Variants in CHRM2 observed in about 807,000 individuals in gnomAD.
CHRM2 encodes the protein muscarinic acetylcholine receptor M2.
Under a neutral mutation model 25.0 loss-of-function variants are expected in CHRM2, and 8 were observed. That is an observed-to-expected ratio of 0.32 (90% confidence interval 0.19 to 0.58). CHRM2 has a LOEUF of 0.58. Among genes scored for constraint, CHRM2 ranks in the 20% least tolerant of loss-of-function variants. CHRM2 has a pLI of 0.88. For synonymous variants in CHRM2, 202 were observed against 205.7 expected, an observed-to-expected ratio of 0.98 and a Z score of 0.15; for missense variants, 440 against 567.1, an observed-to-expected ratio of 0.78 and a Z score of 2.28.
chr7:136,894,841 T>A (rs1796830403), intron 2 of CHRM2, among the ~76,000 whole-genome samples: 1 of 152,226 alleles, frequency 6.6e-6, no homozygotes, highest in South Asian at 2.1e-4. Flanking sequence ...AAAATAGTAT[T>A]TCTTCAGCAG....
chr7:136,951,141 C>T (rs1225980868), intron 2 of CHRM2: 1 of 152,176 alleles, frequency 6.6e-6, no homozygotes, highest in Non-Finnish European at 1.5e-5. Flanking sequence ...AGGAGGCCCC[C>T]TGGGTGAAGC....
At chr7:136,926,035 G>T (rs1038799981) in intron 2 of CHRM2, among the ~76,000 whole-genome samples, 31 of 152,172 alleles carry the variant, frequency 2.0e-4, no homozygotes, top group Admixed American at 1.8e-3. Context: ...CCAGGAGTTT[G>T]GGACCAGCCT....
At chr7:136,892,201 G>C (rs569948587) in intron 2 of CHRM2, among the ~76,000 whole-genome samples, 1 of 152,304 alleles carries the variant, frequency 6.6e-6, no homozygotes, top group Non-Finnish European at 1.5e-5. Flanking sequence ...CAAAATTCTT[G>C]ACAGTTGGTG....
intron 2 of CHRM2, among the ~76,000 whole-genome samples, chr7:136,972,128 CTT>C (rs542113762): frequency 2.1e-5 from 3 of 144,296 alleles, no homozygotes; most frequent in African/African-American, 2.5e-5. Context: ...GTCAGTATGC[CTT>C]TTTTTTTTTC....
chr7:136,916,942 T>G (rs1798150918), intron 2 of CHRM2, among the ~76,000 whole-genome samples: 2 of 151,780 alleles, frequency 1.3e-5, no homozygotes, highest in African/African-American at 4.8e-5. Context: ...TTAATTCAGT[T>G]TCACAAAAAT....
At chr7:136,933,330 A>G (rs1799220783) in intron 2 of CHRM2, among the ~76,000 whole-genome samples, 1 of 152,202 alleles carries the variant, frequency 6.6e-6, no homozygotes, top group Non-Finnish European at 1.5e-5. Context: ...TATAAGCAAC[A>G]ATGATGATCA....
At chr7:136,991,913 A>G (rs1450088653) in intron 2 of CHRM2, among the ~76,000 whole-genome samples, 3 of 152,148 alleles carry the variant, frequency 2.0e-5, no homozygotes, top group African/African-American at 7.2e-5. Flanking sequence ...TACTCAGACC[A>G]TGTTTCTCAG....
At chr7:136,996,025 T>C (rs769725967) in intron 3 of CHRM2, among the ~76,000 whole-genome samples, 81 of 151,890 alleles carry the variant, frequency 5.3e-4, no homozygotes, top group Non-Finnish European at 9.7e-4. Flanking sequence ...ACTCAGTGTA[T>C]GGAATTATGT....
rs1805267731 is a variant in CHRM2, at chr7:137,018,017, CG to C, written c.*1752del. 6.6e-6 allele frequency: 1 copy of C among 151,758 alleles called. No individual in the cohort carries two copies. Among genetic ancestry groups the C allele is most frequent in the African/African-American group, 2.4e-5 (1 of 41,382 alleles). 9.4% of individuals were successfully genotyped at this position (151,758 alleles called of 1,614,324 possible). On this transcript the variant is annotated 3_prime_UTR_variant, in exon 4 of 4. Transcript: ENST00000680005. The stretch of plus-strand genomic sequence containing the variant: ...CAATCAATGGAAATCAAATTATAAA[CG>C]CATTTGCAAATTTCATATTTTGGAT...
chr7:136,897,702 A>C (rs564852466), intron 2 of CHRM2, among the ~76,000 whole-genome samples: 1 of 152,104 alleles, frequency 6.6e-6, no homozygotes, highest in South Asian at 2.1e-4. Flanking sequence ...CATGGGAAAA[A>C]AAAAAGACAG....
chr7:136,912,871 G>A (rs950290916), intron 2 of CHRM2, among the ~76,000 whole-genome samples: 2 of 151,910 alleles, frequency 1.3e-5, no homozygotes, highest in African/African-American at 2.4e-5. Context: ...TATGAAACGC[G>A]GTAATGATAC....
At chr7:136,916,108 A>G (rs1798092891) in intron 2 of CHRM2, among the ~76,000 whole-genome samples, 1 of 151,836 alleles carries the variant, frequency 6.6e-6, no homozygotes, top group Non-Finnish European at 1.5e-5. Context: ...CAGCTGGACT[A>G]TGCACTGTTT....
chr7:136,906,409 T>C (rs1442539211), intron 2 of CHRM2, among the ~76,000 whole-genome samples: 1 of 151,424 alleles, frequency 6.6e-6, no homozygotes, highest in Non-Finnish European at 1.5e-5. Flanking sequence ...ATATGTAATA[T>C]GTGTTTGTGT....
intron 2 of CHRM2, among the ~76,000 whole-genome samples, chr7:136,972,094 A>C (rs1801815244): frequency 6.6e-6 from 1 of 152,100 alleles, no homozygotes; most frequent in Admixed American, 6.5e-5. Context: ...TTGGAGGAAT[A>C]GAAAAGCAGC....
chr7:136,976,230 G>A (rs1042813808), intron 2 of CHRM2, among the ~76,000 whole-genome samples: 4 of 152,106 alleles, frequency 2.6e-5, no homozygotes, highest in African/African-American at 9.7e-5. Flanking sequence ...ATGAAGTATT[G>A]CATGACATAG....
At chr7:136,977,203 G>T (rs1398106501) in intron 2 of CHRM2, among the ~76,000 whole-genome samples, 2 of 152,074 alleles carry the variant, frequency 1.3e-5, no homozygotes, top group Admixed American at 6.6e-5. Context: ...ACATGATTAA[G>T]ATTTTAATGT....
Position 137,014,905 on chromosome 7 carries a change from C to G in CHRM2, c.40C>G (p.Leu14Val). 1 of 1,613,182 alleles carries G rather than the reference C, an allele frequency of 6.2e-7. No homozygotes were observed. The highest frequency in any genetic ancestry group is 8.5e-7 in the Non-Finnish European group (1 of 1,179,488). Residue 14 changes from leucine (L) to valine (V), a missense_variant, in exon 4 of 4, where the codon CTT becomes GTT. By Grantham distance (32) the Leu-to-Val change is conservative. This residue lies in a region of CHRM2 where 86 missense variants were observed against 124.9 expected (regional missense o/e 0.69). Transcript: ENST00000680005. The stretch of plus-strand genomic sequence containing the variant: ...AAACTCCTCTAACAATAGCCTGGCT[C>G]TTACAAGTCCTTATAAGACATTTGA... ...STNSSNNSLA[L>V]TSPYKTFEVV...
chr7:136,968,048 T>G (rs1801524121), intron 2 of CHRM2, among the ~76,000 whole-genome samples: 1 of 152,072 alleles, frequency 6.6e-6, no homozygotes, highest in Non-Finnish European at 1.5e-5. Flanking sequence ...ACACTTAAAT[T>G]TTAATTGAAA....
At chr7:136,870,307 T>G (rs1345404178) in intron 2 of CHRM2, 1 of 152,374 alleles carries the variant, frequency 6.6e-6, no homozygotes, top group Non-Finnish European at 1.5e-5. Context: ...GCCGCTAACT[T>G]GTAGCTCTCG....
Sources: gnomAD v4.1 joint callset for allele counts (sites outside exome capture counted in the v4.1 genomes callset) on GRCh38, gnomAD v4.1.1 for gene constraint, gnomAD v4.1.1 regional missense constraint, MANE v1.5 for transcripts, NCBI Gene and HGNC (gene_info 2026-07-23, HGNC 2026-07-21) for gene names.